The following ADAM8 variants were observed in gnomAD, a reference collection of about 807,000 sequenced individuals.
ADAM8 encodes the protein disintegrin and metalloproteinase domain-containing protein 8.
In ADAM8, 104 loss-of-function variants were observed where a neutral mutation model predicts 102.4. That is an observed-to-expected ratio of 1.02 (90% CI 0.87 to 1.20). ADAM8 has a LOEUF of 1.20. Among genes scored for constraint, ADAM8 ranks in the 50% most tolerant of loss-of-function variants. ADAM8 has a pLI of 0.00. For missense variants in ADAM8, 1,132 were observed against 1,159.0 expected, an observed-to-expected ratio of 0.98 and a Z score of 0.34; for synonymous variants, 517 against 485.2, an observed-to-expected ratio of 1.07 and a Z score of -0.86.
At chr10:133,275,849 T>C (rs570419411) in intron 1 of ADAM8, 22 of 424,686 alleles carry the variant, frequency 5.2e-5, no homozygotes, top group African/African-American at 3.7e-4. Context: ...CGGGTGCCAG[T>C]GACTCCACAG....
rs1846214505 is a variant in ADAM8, at chr10:133,263,222, G to A, written c.2409C>T (p.Gly803=). ...ANPGPAEGAV[G]PKVALKPPIQ... is the part of the protein sequence containing the mutation. ...TGGGGGGCTTCAGGGCAACCTTTGG[G>A]CCAACAGCACCCTGGGAGGAGGAAA... Residue 803 remains glycine (G), a synonymous_variant, in exon 23 of 23, where the codon GGC becomes GGT. Transcript: ENST00000445355. 6.2e-7 allele frequency: 1 copy of A among 1,610,138 alleles called. No homozygotes were observed. The highest frequency in any genetic ancestry group is 8.5e-7 in the Non-Finnish European group (1 of 1,177,378).
At chr10:133,272,348 C>A in intron 9 of ADAM8, 68 bp downstream of exon 9, 1 of 1,099,130 alleles carries the variant, frequency 9.1e-7, no homozygotes, top group South Asian at 1.5e-5. Flanking sequence ...GCCCTGCTCT[C>A]CCTTCCACCC....
chr10:133,268,151 TC>T, intron 19 of ADAM8, 33 bp from the exon 20 acceptor site: 4 of 1,253,184 alleles, frequency 3.2e-6, no homozygotes, highest in Non-Finnish European at 4.0e-6. Flanking sequence ...ATGGTCAGTG[TC>T]CGGCCATGGG....
At chr10:133,267,804 G>A in intron 20 of ADAM8, 125 bp downstream of exon 20, 1 of 1,011,484 alleles carries the variant, frequency 9.9e-7, no homozygotes, top group Non-Finnish European at 1.3e-6. Context: ...GGGCCTCGGG[G>A]CCACCGCTGG....
In ADAM8 at chr10:133,268,046, G is replaced by C; in HGVS notation, c.2136C>G (p.Ala712=). The C allele has an allele frequency of 1.6e-6, 2 of 1,265,746 alleles. No individual in the cohort carries two copies. The highest frequency in any genetic ancestry group is 2.0e-6 in the Non-Finnish European group (2 of 998,430). The allele number at this position is 1,265,746 out of a possible 1,614,324, so 78.4% of individuals were successfully genotyped here. Residue 712 remains alanine, a synonymous_variant, in exon 20 of 23, where the codon GCC becomes GCG. Transcript: ENST00000445355. ...TGGATGGGGCTGGAGCCCCGCCCTT[G>C]GCCGGCACGCGGCTGGCAGCCTGGT... The part of the protein sequence containing the change: ...LFHQAASRVP[A]KGGAPAPSRG...
Position 133,268,059 on chromosome 10 carries a change from C to A in ADAM8, c.2123G>T (p.Ser708Ile), listed in dbSNP as rs1846386486. The change falls in exon 20 of 23, where the codon AGC (serine) becomes ATC (isoleucine). Residue 708 changes from serine to isoleucine, a missense_variant. Physicochemically the swap from Ser to Ile is moderately radical, Grantham distance 142. Coordinates refer to ENST00000445355, the MANE Select transcript of ADAM8 (RefSeq NM_001109.5). ...AGCCCCGCCCTTGGCCGGCACGCGG[C>A]TGGCAGCCTGGTGGAACAGGGGGTT... ...RSNPLFHQAA[S>I]RVPAKGGAPA... 3 of 1,268,942 alleles carry A rather than the reference C, an allele frequency of 2.4e-6. No individual in the cohort carries two copies. Among genetic ancestry groups the A allele is most frequent in the Non-Finnish European group, 3.0e-6 (3 of 1,000,204 alleles). The allele number at this position is 1,268,942 out of a possible 1,614,324, so 78.6% of individuals were successfully genotyped here.
At chr10:133,274,132 A>AG (rs755216930) in intron 3 of ADAM8, 27 bp downstream of exon 3, 3 of 1,582,628 alleles carry the variant, frequency 1.9e-6, no homozygotes, top group African/African-American at 2.7e-5. Context: ...AGGCCCGGGC[A>AG]GGGGGGCCGA....
At chr10:133,264,361 T>C (rs1405977357) in intron 21 of ADAM8, among the ~76,000 whole-genome samples, 1 of 152,172 alleles carries the variant, frequency 6.6e-6, no homozygotes, top group Non-Finnish European at 1.5e-5. Flanking sequence ...GCGCCTGGCC[T>C]GAAGAGCTCT....
At chr10:133,266,755 C>A (rs1164096869) in intron 21 of ADAM8, among the ~76,000 whole-genome samples, 2 of 152,204 alleles carry the variant, frequency 1.3e-5, no homozygotes, top group African/African-American at 4.8e-5. Flanking sequence ...TCCTTCTCCA[C>A]CCACTGCCAG....
rs779991363 is a variant in ADAM8, at chr10:133,263,053, C to T, written c.*103G>A. On this transcript the variant is annotated 3_prime_UTR_variant, in exon 23 of 23. Transcript: ENST00000445355. ...AGAACAGCAGCTGAGCCTGCAAAGTCAGGGTCTAGGGCTGAGCGGCACTAG... is the reference window on the plus strand; with the variant it reads ...AGAACAGCAGCTGAGCCTGCAAAGTTAGGGTCTAGGGCTGAGCGGCACTAG... The T allele has an allele frequency of 1.7e-5, 24 of 1,381,164 alleles. No homozygotes were observed. Among genetic ancestry groups the T allele is most frequent in the Middle Eastern group, 3.6e-4 (2 of 5,596 alleles). 85.6% of individuals were successfully genotyped at this position (1,381,164 alleles called of 1,614,324 possible).
rs1054543234 is a variant in ADAM8 at position 133,275,480 on chromosome 10, T to C, written c.150+4A>G. 7 of 1,531,918 alleles carry C rather than the reference T, an allele frequency of 4.6e-6. No homozygotes were observed. Among genetic ancestry groups the C allele is most frequent in the Non-Finnish European group, 6.1e-6 (7 of 1,139,280 alleles). The allele number at this position is 1,531,918 out of a possible 1,614,324, so 94.9% of individuals were successfully genotyped here. ...GGACCCTCCCCAGGCCAGCTTAGAC[T>C]CACCAAGTGGGAGGGCAGAGCTCGG... On this transcript the variant is annotated splice_donor_region_variant and intron_variant, in intron 2 of 22. Transcript: ENST00000445355.
chr10:133,263,021 T>C lies in ADAM8; in HGVS notation c.*135A>G, dbSNP rs1427357696. Reference sequence around the variant, plus strand: ...GGAGCCTCTCAGGTAGATGCATTCCTGAGGTTAGAACAGCAGCTGAGCCTG... The same window carrying C: ...GGAGCCTCTCAGGTAGATGCATTCCCGAGGTTAGAACAGCAGCTGAGCCTG... On this transcript the variant is annotated 3_prime_UTR_variant, in exon 23 of 23. Transcript: ENST00000445355. The C allele has an allele frequency of 5.6e-6, 6 of 1,078,682 alleles. No individual in the cohort carries two copies. The highest frequency in any genetic ancestry group is 1.8e-5 in the Admixed American group (1 of 56,766). The allele number at this position is 1,078,682 out of a possible 1,614,324, so 66.8% of individuals were successfully genotyped here.
At chr10:133,265,127 C>T (rs1169726972) in intron 21 of ADAM8, among the ~76,000 whole-genome samples, 1 of 144,646 alleles carries the variant, frequency 6.9e-6, no homozygotes, top group Admixed American at 6.9e-5. Context: ...CAGCCTCTGC[C>T]CCATCTACCT....
In ADAM8 at chr10:133,263,196, A is replaced by G; in HGVS notation, c.2435T>C (p.Ile812Thr). 1 of 1,613,342 alleles carries G rather than the reference A, an allele frequency of 6.2e-7. No homozygotes were observed. The highest frequency in any genetic ancestry group is 8.5e-7 in the Non-Finnish European group (1 of 1,179,488). ...AGCTCCGGCTCCTTGCTTCCTCTGG[A>G]TGGGGGGCTTCAGGGCAACCTTTGG... The part of the protein sequence containing the change: ...VGPKVALKPP[I>T]QRKQGAGAPT... The change falls in exon 23 of 23, where the codon ATC (isoleucine) becomes ACC (threonine). Residue 812 changes from isoleucine to threonine, a missense_variant. By Grantham distance (89) the Ile-to-Thr change is moderately conservative. Transcript: ENST00000445355.
chr10:133,269,012 C>T, intron 18 of ADAM8, 150 bp from the exon 19 acceptor site: 1 of 1,453,416 alleles, frequency 6.9e-7, no homozygotes. Context: ...ACTGGCACTC[C>T]CAGCTTGCCA....
chr10:133,274,153 A>G lies in ADAM8; in HGVS notation c.227+6T>C. On this transcript the variant is annotated splice_donor_region_variant and intron_variant, in intron 3 of 22. Transcript: ENST00000445355. ...GGGCAGGGGGGCCGACCCGAGACCC[A>G]CTCACCTGTTCTTCCGCAGGTGGAG... 1.3e-6 allele frequency: 2 copies of G among 1,583,432 alleles called. No homozygotes were observed. Among genetic ancestry groups the G allele is most frequent in the Non-Finnish European group, 1.7e-6 (2 of 1,164,422 alleles).
chr10:133,272,714 G>A (rs1035847005), intron 8 of ADAM8, 84 bp downstream of exon 8: 30 of 1,529,644 alleles, frequency 2.0e-5, no homozygotes, highest in African/African-American at 2.8e-5. Flanking sequence ...CAGAGCTGGA[G>A]CAGGTGGAAT....
At chr10:133,275,138 C>CG in intron 2 of ADAM8, 1 of 352,226 alleles carries the variant, frequency 2.8e-6, no homozygotes, top group Non-Finnish European at 5.2e-6. Flanking sequence ...GGCCCCCCCC[C>CG]CAACACAGGA....
chr10:133,271,629 A>T lies in ADAM8; in HGVS notation c.1183T>A (p.Cys395Ser). 6.4e-7 allele frequency: 1 copy of T among 1,555,510 alleles called. No homozygotes were observed. Among genetic ancestry groups the T allele is most frequent in the Non-Finnish European group, 8.7e-7 (1 of 1,149,660 alleles). ...ESFLERPQSV[C>S]LANAPDLSHL... ...CTGAGGTCAGGGGCGTTGGCGAGGC[A>T]CACCGACTGCGGCCGCTCCAAAAAG... is the stretch of plus-strand genomic sequence containing the variant. Residue 395 changes from cysteine (C) to serine (S), a missense_variant, in exon 12 of 23, where the codon TGC becomes AGC. Cys to Ser is a moderately radical substitution (Grantham distance 112). Coordinates refer to ENST00000445355, the MANE Select transcript of ADAM8 (RefSeq NM_001109.5).
Sources: allele counts gnomAD v4.1 joint callset (sites outside exome capture counted in the v4.1 genomes callset), GRCh38; gene constraint gnomAD v4.1.1; transcripts MANE v1.5; gene names NCBI Gene and HGNC (gene_info 2026-07-23, HGNC 2026-07-21).